The following MORC3 variants were observed in gnomAD, a reference collection of about 807,000 sequenced individuals.
MORC3 encodes the protein MORC family CW-type zinc finger 3.
MORC3 carries 31 observed loss-of-function variants against 109.1 expected under a neutral mutation model. The ratio of observed to expected loss-of-function variants is 0.28; its 90% CI spans 0.21 to 0.38. The LOEUF (loss-of-function observed/expected upper bound fraction) is 0.38, where lower values mean the gene tolerates loss of function less well. Among genes scored for constraint, MORC3 ranks in the 10% least tolerant of loss-of-function variants. The pLI, the probability that MORC3 is intolerant of heterozygous loss-of-function variation, is 1.00. For synonymous variants in MORC3, 395 were observed against 380.7 expected, an observed-to-expected ratio of 1.04 and a Z score of -0.44; for missense variants, 867 against 1,135.8, an observed-to-expected ratio of 0.76 and a Z score of 3.40.
At chr21:36,357,424 A>G (rs1286171365) in intron 10 of MORC3, among the ~76,000 whole-genome samples, 2 of 152,090 alleles carry the variant, frequency 1.3e-5, no homozygotes, top group Non-Finnish European at 2.9e-5. Flanking sequence ...ATTTTTTTAT[A>G]TTTAAAAAAA....
chr21:36,321,944 T>C (rs138090242), intron 1 of MORC3, among the ~76,000 whole-genome samples: 11 of 152,332 alleles, frequency 7.2e-5, no homozygotes, highest in South Asian at 2.1e-4. Flanking sequence ...GCGGGCACTC[T>C]GGGTGTAGCT....
intron 1 of MORC3, among the ~76,000 whole-genome samples, chr21:36,327,757 C>G (rs995705514): frequency 6.8e-6 from 1 of 146,762 alleles, no homozygotes; most frequent in Admixed American, 6.6e-5. Flanking sequence ...CGCTGAAGGT[C>G]AGATAACAAC....
chr21:36,363,361 C>T (rs1474336567), intron 13 of MORC3, among the ~76,000 whole-genome samples: 2 of 152,088 alleles, frequency 1.3e-5, no homozygotes, highest in Non-Finnish European at 1.5e-5. Context: ...TTGCAGTGAG[C>T]CAAGATCACA....
At position 36,372,357 on chromosome 21, in the gene MORC3, AT is replaced by A; in HGVS notation, c.2509-14del. The A allele has an allele frequency of 6.5e-7, 1 of 1,548,056 alleles. No homozygotes were observed. Among genetic ancestry groups the A allele is most frequent in the Non-Finnish European group, 8.7e-7 (1 of 1,154,854 alleles). On this transcript the variant is annotated splice_polypyrimidine_tract_variant and intron_variant, in intron 15 of 16. Coordinates refer to ENST00000400485, the MANE Select transcript of MORC3 (RefSeq NM_015358.3). ...TTTAAGTTTTACAGTTATAAAGCTC[AT>A]TTATATTTTTGTTAGGTTGAATTGC...
chr21:36,324,378 C>T (rs531777786), intron 1 of MORC3, among the ~76,000 whole-genome samples: 7 of 148,084 alleles, frequency 4.7e-5, no homozygotes, highest in South Asian at 2.2e-4. Context: ...CCCAGGTTCA[C>T]GCCATTCTCC....
At chr21:36,365,492 A>G (rs955420591) in intron 14 of MORC3, among the ~76,000 whole-genome samples, 1 of 152,196 alleles carries the variant, frequency 6.6e-6, no homozygotes, top group Non-Finnish European at 1.5e-5. Flanking sequence ...TTCTCAAAGG[A>G]ATTTTTGACC....
At chr21:36,372,720 C>T (rs933208733) in intron 16 of MORC3, among the ~76,000 whole-genome samples, 189 bp downstream of exon 16, 3 of 152,102 alleles carry the variant, frequency 2.0e-5, no homozygotes, top group African/African-American at 7.2e-5. Flanking sequence ...CAGTTTCTGA[C>T]CCTTTAGGTT....
At chr21:36,371,572 A>G (rs2085867627) in intron 15 of MORC3, among the ~76,000 whole-genome samples, 1 of 152,216 alleles carries the variant, frequency 6.6e-6, no homozygotes, top group South Asian at 2.1e-4. Context: ...AATGAAAAAC[A>G]GAATGATTGT....
At chr21:36,335,123 AAAAAGG>A (rs897634150) in intron 2 of MORC3, among the ~76,000 whole-genome samples, 1 of 152,172 alleles carries the variant, frequency 6.6e-6, no homozygotes, top group Non-Finnish European at 1.5e-5. Context: ...TGTCTCCAGA[AAAAAGG>A]AAAAGAAAAA....
intron 3 of MORC3, 55 bp downstream of exon 3, chr21:36,337,061 T>G (rs2085382256): frequency 3.2e-6 from 5 of 1,576,670 alleles, no homozygotes; most frequent in South Asian, 1.2e-5. Flanking sequence ...TAAAGGGTTT[T>G]CCATGCCATA....
rs1472353051 is a variant in MORC3 at position 36,375,434 on chromosome 21, A to G, written c.*138A>G. The G allele has an allele frequency of 1.4e-6, 1 of 739,564 alleles. No individual in the cohort carries two copies. The highest frequency in any genetic ancestry group is 2.1e-6 in the Non-Finnish European group (1 of 478,642). 45.8% of individuals were successfully genotyped at this position (739,564 alleles called of 1,614,324 possible). Reference sequence around the variant, plus strand: ...TCTTTACTGTATTCTATGCATTCAAATGTGGTCACAAATATTGTGGACACA... The same window carrying G: ...TCTTTACTGTATTCTATGCATTCAAGTGTGGTCACAAATATTGTGGACACA... On this transcript the variant is annotated 3_prime_UTR_variant, in exon 17 of 17. Transcript: ENST00000400485.
intron 1 of MORC3, among the ~76,000 whole-genome samples, chr21:36,325,981 G>T (rs576363062): frequency 6.6e-6 from 1 of 151,884 alleles, no homozygotes; most frequent in Non-Finnish European, 1.5e-5. Flanking sequence ...CCGAGGCAGG[G>T]GGATCACTTG....
chr21:36,338,771 T>C lies in MORC3; in HGVS notation c.461-3T>C. The C allele has an allele frequency of 1.2e-6, 2 of 1,612,316 alleles. No homozygotes were observed. The highest frequency in any genetic ancestry group is 1.7e-6 in the Non-Finnish European group (2 of 1,178,624). On this transcript the variant is annotated splice_region_variant and splice_polypyrimidine_tract_variant and intron_variant, in intron 4 of 16. Coordinates refer to ENST00000400485, the MANE Select transcript of MORC3 (RefSeq NM_015358.3). The stretch of plus-strand genomic sequence containing the variant: ...CAATCTGAGTCTTTAACTTATGATA[T>C]ACGACAGATGATTAATTTAGCAGAA...
intron 2 of MORC3, among the ~76,000 whole-genome samples, chr21:36,336,110 T>TTA (rs35147876): frequency 1.3e-5 from 2 of 150,208 alleles, no homozygotes; most frequent in African/African-American, 4.9e-5. Context: ...TTTTTTTTTT[T>TTA]AATACAGATG....
intron 14 of MORC3, among the ~76,000 whole-genome samples, chr21:36,365,403 C>T (rs1305522611): frequency 1.3e-5 from 2 of 152,074 alleles, no homozygotes; most frequent in Non-Finnish European, 1.5e-5. Context: ...GTTTGTTATT[C>T]GAAGAGGAAC....
At chr21:36,371,951 TTACA>T (rs1355903853) in intron 15 of MORC3, among the ~76,000 whole-genome samples, 1 of 152,002 alleles carries the variant, frequency 6.6e-6, no homozygotes, top group Non-Finnish European at 1.5e-5. Flanking sequence ...GTAGCTGAGA[TTACA>T]GGCGGCTGCC....
chr21:36,323,104 C>T (rs1424799432), intron 1 of MORC3, among the ~76,000 whole-genome samples: 1 of 152,194 alleles, frequency 6.6e-6, no homozygotes, highest in Admixed American at 6.5e-5. Flanking sequence ...TTCAGACACA[C>T]CCAGTGTTTT....
intron 2 of MORC3, among the ~76,000 whole-genome samples, chr21:36,335,955 C>T (rs773029949): frequency 6.6e-6 from 1 of 152,210 alleles, no homozygotes. Flanking sequence ...GACGGAGTCT[C>T]GCTCTTGTTG....
At chr21:36,338,673 T>A in intron 4 of MORC3, 101 bp from the exon 5 acceptor site, 1 of 1,174,366 alleles carries the variant, frequency 8.5e-7, no homozygotes, top group East Asian at 2.7e-5. Context: ...TAGAAAATTA[T>A]TTATAAATAG....
Sources: allele counts gnomAD v4.1 joint callset (sites outside exome capture counted in the v4.1 genomes callset), GRCh38; gene constraint gnomAD v4.1.1; transcripts MANE v1.5; gene names NCBI Gene and HGNC (gene_info 2026-07-23, HGNC 2026-07-21).